The following CADPS2 variants were observed in gnomAD, a reference collection of about 807,000 sequenced individuals.
The protein encoded by CADPS2 is calcium-dependent secretion activator 2.
Under a neutral mutation model 172.5 loss-of-function variants are expected in CADPS2, and 93 were observed. That is an observed-to-expected ratio of 0.54 (90% CI 0.46 to 0.64). CADPS2 has a LOEUF of 0.64. Ranked by LOEUF, CADPS2 falls within the 30% of genes least tolerant of loss-of-function variation. The probability of loss-of-function intolerance (pLI) is 0.00; values close to 1 mark genes in which losing one functional copy is unlikely to be tolerated. For missense variants in CADPS2, 1,420 were observed against 1,565.9 expected, an observed-to-expected ratio of 0.91 and a Z score of 1.57; for synonymous variants, 546 against 555.2, an observed-to-expected ratio of 0.98 and a Z score of 0.23.
At chr7:122,879,556 AAAAAG>A (rs201275319) in intron 1 of CADPS2, among the ~76,000 whole-genome samples, 2,917 of 152,110 alleles carry the variant, frequency 0.019, 40 homozygotes, top group East Asian at 0.051. Context: ...ATAAAAATAA[AAAAAG>A]AAAAGAAAAG....
chr7:122,603,536 C>T (rs1459604445), intron 6 of CADPS2, among the ~76,000 whole-genome samples: 2 of 151,452 alleles, frequency 1.3e-5, no homozygotes, highest in African/African-American at 2.4e-5. Flanking sequence ...AAGAATATAA[C>T]GATTGGGTGT....
chr7:122,854,939 TTAGA>T (rs1260313224), intron 1 of CADPS2, among the ~76,000 whole-genome samples: 3 of 152,274 alleles, frequency 2.0e-5, no homozygotes, highest in Non-Finnish European at 2.9e-5. Flanking sequence ...ACCTAAAAAA[TTAGA>T]TAATGTTTAC....
At chr7:122,702,805 T>C in intron 2 of CADPS2, 1 of 1,308,746 alleles carries the variant, frequency 7.6e-7, no homozygotes, top group Non-Finnish European at 1.0e-6. Flanking sequence ...ACATCAGTTG[T>C]AGAAGAACAT....
At chr7:122,654,371 A>T (rs1209224496) in intron 3 of CADPS2, among the ~76,000 whole-genome samples, 2 of 152,228 alleles carry the variant, frequency 1.3e-5, no homozygotes, top group Admixed American at 6.5e-5. Context: ...TACTGAGAAG[A>T]AGTCAATGCC....
chr7:122,562,117 T>C (rs1197456420), intron 7 of CADPS2, among the ~76,000 whole-genome samples: 1 of 152,206 alleles, frequency 6.6e-6, no homozygotes, highest in Non-Finnish European at 1.5e-5. Context: ...ACTTTCATCC[T>C]TCCATATCTG....
At chr7:122,603,192 G>A (rs1014204261) in intron 6 of CADPS2, among the ~76,000 whole-genome samples, 1 of 151,962 alleles carries the variant, frequency 6.6e-6, no homozygotes, top group African/African-American at 2.4e-5. Flanking sequence ...TTTGAATGTA[G>A]CTAACTCTCA....
chr7:122,499,249 A>G (rs1319454559), intron 9 of CADPS2, among the ~76,000 whole-genome samples: 1 of 152,154 alleles, frequency 6.6e-6, no homozygotes, highest in African/African-American at 2.4e-5. Context: ...TCTTTATAAG[A>G]TCTCTGTTCC....
Position 122,645,391 on chromosome 7 carries a change from G to GTATACA in CADPS2, c.787-16064_787-16063insTGTATA, listed in dbSNP as rs1435451978. ...TGTATACACACATATGTACATGTGT[G>GTATACA]TGTATATATGTACATATACACACAT... On this transcript the variant is annotated intron_variant, in intron 3 of 29. Coordinates refer to ENST00000449022, the MANE Select transcript of CADPS2 (RefSeq NM_017954.11). Among the ~76,000 whole-genome samples, 268 of 63,584 alleles carry GTATACA rather than the reference G, an allele frequency of 4.2e-3. 17 individuals carry two copies. The highest frequency in any genetic ancestry group is 5.8e-3 in the Non-Finnish European group (146 of 25,266). The allele number at this position is 63,584 out of a possible 152,430, so 41.7% of individuals were successfully genotyped here.
intron 9 of CADPS2, among the ~76,000 whole-genome samples, chr7:122,492,512 A>G (rs1251826906): frequency 6.6e-6 from 1 of 152,060 alleles, no homozygotes; most frequent in Non-Finnish European, 1.5e-5. Flanking sequence ...AGTTTGGGTC[A>G]AGAGCTCATG....
At chr7:122,347,710 A>T (rs1025394093) in intron 27 of CADPS2, among the ~76,000 whole-genome samples, 2 of 152,190 alleles carry the variant, frequency 1.3e-5, no homozygotes, top group Admixed American at 1.3e-4. Flanking sequence ...AATTACAAGG[A>T]TAAACAATAA....
At chr7:122,411,114 T>C (rs1307028339) in intron 19 of CADPS2, among the ~76,000 whole-genome samples, 1 of 152,170 alleles carries the variant, frequency 6.6e-6, no homozygotes, top group African/African-American at 2.4e-5. Context: ...CATCCATCCA[T>C]CCATCCATCT....
intron 24 of CADPS2, among the ~76,000 whole-genome samples, chr7:122,381,756 AT>A (rs1271255056): frequency 2.0e-5 from 3 of 152,112 alleles, no homozygotes; most frequent in Non-Finnish European, 4.4e-5. Context: ...AGAGGAAGAG[AT>A]GGGGAGGGAG....
chr7:122,797,349 A>T (rs1226595976), intron 1 of CADPS2, among the ~76,000 whole-genome samples: 1 of 152,212 alleles, frequency 6.6e-6, no homozygotes, highest in African/African-American at 2.4e-5. Context: ...ATTACCAGGT[A>T]TATACCCAAA....
intron 19 of CADPS2, among the ~76,000 whole-genome samples, chr7:122,409,423 T>C (rs1398752753): frequency 5.3e-5 from 8 of 152,216 alleles, no homozygotes; most frequent in Non-Finnish European, 8.8e-5. Flanking sequence ...TAAAGTTAAC[T>C]TGGAAGACAG....
chr7:122,487,088 G>T (rs1186430399), intron 11 of CADPS2, among the ~76,000 whole-genome samples: 2 of 140,480 alleles, frequency 1.4e-5, no homozygotes, highest in Non-Finnish European at 3.0e-5. Flanking sequence ...CTATTTCACT[G>T]CAACCTCCAC....
intron 24 of CADPS2, among the ~76,000 whole-genome samples, chr7:122,384,823 T>C (rs960343784): frequency 2.0e-5 from 3 of 152,066 alleles, no homozygotes; most frequent in Non-Finnish European, 2.9e-5. Context: ...ATGTTCATCA[T>C]TTGTGTGTGT....
At chr7:122,590,511 A>G (rs1480877047) in intron 6 of CADPS2, among the ~76,000 whole-genome samples, 1 of 151,920 alleles carries the variant, frequency 6.6e-6, no homozygotes, top group African/African-American at 2.4e-5. Context: ...AATTTAGTCA[A>G]TCACTCTTCT....
intron 8 of CADPS2, among the ~76,000 whole-genome samples, chr7:122,552,767 A>G (rs1341172775): frequency 8.1e-6 from 1 of 123,160 alleles, no homozygotes; most frequent in Non-Finnish European, 1.7e-5. Context: ...GCACTATGAT[A>G]GGTTCCTGTT....
At chr7:122,827,407 A>G (rs1045280988) in intron 1 of CADPS2, among the ~76,000 whole-genome samples, 13 of 32,682 alleles carry the variant, frequency 4.0e-4, no homozygotes, top group Non-Finnish European at 7.1e-4. Context: ...ATGTAATCCC[A>G]GCACTTTGGG....
Sources: gnomAD v4.1 joint callset for allele counts (sites outside exome capture counted in the v4.1 genomes callset) on GRCh38, gnomAD v4.1.1 for gene constraint, MANE v1.5 for transcripts, NCBI Gene and HGNC (gene_info 2026-07-23, HGNC 2026-07-21) for gene names.